Variants in NTRK2 observed in about 807,000 individuals in gnomAD.
NTRK2 encodes the protein BDNF/NT-3 growth factors receptor.
NTRK2 carries 13 observed loss-of-function variants against 94.5 expected under a neutral mutation model. That is an observed-to-expected ratio of 0.14 (90% CI 0.09 to 0.22). NTRK2 has a LOEUF of 0.22. Among genes scored for constraint, NTRK2 ranks in the 10% least tolerant of loss-of-function variants. The pLI, the probability that NTRK2 is intolerant of heterozygous loss-of-function variation, is 1.00. For synonymous variants in NTRK2, 372 were observed against 407.4 expected, an observed-to-expected ratio of 0.91 and a Z score of 1.05; for missense variants, 639 against 1,071.2, an observed-to-expected ratio of 0.60 and a Z score of 5.63.
chr9:84,882,715 T>TGCGCGCGC (rs1358164079), intron 14 of NTRK2, among the ~76,000 whole-genome samples: 6 of 144,232 alleles, frequency 4.2e-5, no homozygotes, highest in African/African-American at 1.1e-4. Flanking sequence ...TGTGTGTGTG[T>TGCGCGCGC]GTGTGCGCGC....
chr9:84,789,240 G>A (rs2068463568), intron 12 of NTRK2, among the ~76,000 whole-genome samples: 1 of 152,150 alleles, frequency 6.6e-6, no homozygotes. Context: ...AGGTATGGCT[G>A]GAAGAGATGA....
chr9:84,713,845 C>T (rs1329017861), intron 6 of NTRK2, among the ~76,000 whole-genome samples: 2 of 149,352 alleles, frequency 1.3e-5, no homozygotes, highest in Admixed American at 6.7e-5. Context: ...ACTCCTTATC[C>T]ATGTTATTCT....
chr9:84,872,994 A>G, intron 14 of NTRK2: 1 of 1,064,002 alleles, frequency 9.4e-7, no homozygotes, highest in Non-Finnish European at 1.1e-6. Context: ...TATTTGCAAC[A>G]TTACTTTGAG....
intron 12 of NTRK2, among the ~76,000 whole-genome samples, chr9:84,825,989 G>A (rs2073159166): frequency 6.6e-6 from 1 of 152,218 alleles, no homozygotes; most frequent in Non-Finnish European, 1.5e-5. Flanking sequence ...ATCAGAAATA[G>A]GGAGCTTCTG....
chr9:84,994,770 G>A lies in NTRK2; in HGVS notation c.2173-25436G>A, dbSNP rs560481785. ...CTGTCTCAAAATAGTGCTTTATTTA[G>A]AGAGAGAAGGTGTTAGTTATTACTG... On this transcript the variant is annotated intron_variant, in intron 17 of 18. Coordinates refer to ENST00000277120, the MANE Select transcript of NTRK2 (RefSeq NM_006180.6). Among the ~76,000 whole-genome samples, 14 of 152,324 alleles carry A rather than the reference G, an allele frequency of 9.2e-5. No individual in the cohort carries two copies. The South Asian group carries it at 1.0e-3, about 11-fold the overall frequency.
At chr9:84,683,991 C>T (rs550704289) in intron 2 of NTRK2, among the ~76,000 whole-genome samples, 15 of 152,026 alleles carry the variant, frequency 9.9e-5, no homozygotes, top group African/African-American at 2.4e-4. Flanking sequence ...GCCACATAAA[C>T]GTCTTGTTTT....
chr9:84,782,744 T>C (rs2067720674), intron 12 of NTRK2, among the ~76,000 whole-genome samples: 1 of 152,178 alleles, frequency 6.6e-6, no homozygotes, highest in African/African-American at 2.4e-5. Context: ...TCAGCATTTG[T>C]GAGAGATTGC....
At chr9:84,790,790 G>C (rs955356860) in intron 12 of NTRK2, among the ~76,000 whole-genome samples, 1 of 152,184 alleles carries the variant, frequency 6.6e-6, no homozygotes, top group African/African-American at 2.4e-5. Context: ...GATAGAACCT[G>C]GGGACACAAG....
chr9:84,702,702 C>T (rs756142224), intron 4 of NTRK2, among the ~76,000 whole-genome samples: 7 of 152,162 alleles, frequency 4.6e-5, no homozygotes, highest in Non-Finnish European at 8.8e-5. Flanking sequence ...AAAACTGTGT[C>T]CTTGCACAGA....
intron 2 of NTRK2, among the ~76,000 whole-genome samples, chr9:84,697,647 A>G (rs1356555958): frequency 6.6e-6 from 1 of 152,192 alleles, no homozygotes; most frequent in Non-Finnish European, 1.5e-5. Flanking sequence ...GCCCTGAGGC[A>G]GAGAGCAGGA....
intron 12 of NTRK2, among the ~76,000 whole-genome samples, chr9:84,773,072 G>A (rs1392103598): frequency 1.3e-5 from 2 of 152,156 alleles, no homozygotes; most frequent in African/African-American, 4.8e-5. Flanking sequence ...CTCCTGCCAA[G>A]CCTTTTTTTT....
At chr9:84,743,007 G>C (rs1030290805) in intron 10 of NTRK2, among the ~76,000 whole-genome samples, 1 of 151,956 alleles carries the variant, frequency 6.6e-6, no homozygotes, top group Admixed American at 6.6e-5. Context: ...TACCATGTTG[G>C]CCAGGCTGGT....
intron 12 of NTRK2, among the ~76,000 whole-genome samples, chr9:84,780,961 T>G (rs1662697): frequency 0.7 from 105,805 of 152,044 alleles, 37,044 homozygotes; most frequent in East Asian, 0.74. Context: ...TTCTGATAAA[T>G]ATTCTGTCAG....
At chr9:84,771,058 T>A (rs998294650) in intron 12 of NTRK2, among the ~76,000 whole-genome samples, 1 of 152,212 alleles carries the variant, frequency 6.6e-6, no homozygotes, top group Non-Finnish European at 1.5e-5. Flanking sequence ...CAGACTTAAT[T>A]TCCCAGAATG....
At chr9:84,768,484 C>T (rs2066235056) in intron 12 of NTRK2, among the ~76,000 whole-genome samples, 2 of 152,238 alleles carry the variant, frequency 1.3e-5, no homozygotes, top group East Asian at 1.9e-4. Flanking sequence ...CCTCTGAACC[C>T]CTGAGATGGA....
At chr9:84,812,951 T>G in intron 12 of NTRK2, 1 of 1,032,786 alleles carries the variant, frequency 9.7e-7, no homozygotes. Flanking sequence ...CTCGTGTTCT[T>G]TTCTTTTTTT....
At chr9:84,951,066 A>G (rs2078764318) in intron 16 of NTRK2, among the ~76,000 whole-genome samples, 2 of 152,228 alleles carry the variant, frequency 1.3e-5, no homozygotes, top group Admixed American at 6.5e-5. Context: ...TGCTGTTTTT[A>G]GAAATGGTAT....
chr9:84,783,940 G>A (rs1472096161), intron 12 of NTRK2, among the ~76,000 whole-genome samples: 3 of 152,144 alleles, frequency 2.0e-5, no homozygotes, highest in African/African-American at 4.8e-5. Flanking sequence ...GGCAGCATGA[G>A]GAGATGGAGG....
chr9:84,797,428 G>A (rs999473599), intron 12 of NTRK2, among the ~76,000 whole-genome samples: 8 of 147,064 alleles, frequency 5.4e-5, no homozygotes, highest in East Asian at 4.0e-4. Context: ...GGGGGATTCC[G>A]TGAAAGCTGA....
Sources: allele counts gnomAD v4.1 joint callset (sites outside exome capture counted in the v4.1 genomes callset), GRCh38; gene constraint gnomAD v4.1.1; transcripts MANE v1.5; gene names NCBI Gene and HGNC (gene_info 2026-07-23, HGNC 2026-07-21).